The following SNX10 variants were observed in gnomAD, a reference collection of about 807,000 sequenced individuals.
SNX10 encodes sorting nexin-10.
Under a neutral mutation model 28.5 loss-of-function variants are expected in SNX10, and 25 were observed. The ratio of observed to expected loss-of-function variants is 0.88; its 90% CI spans 0.64 to 1.22. The LOEUF (loss-of-function observed/expected upper bound fraction) is 1.22. Among genes scored for constraint, SNX10 ranks in the 50% most tolerant of loss-of-function variants. SNX10 has a pLI of 0.00. For synonymous variants in SNX10, 62 were observed against 81.4 expected (o/e 0.76, Z 1.28); for missense variants, 223 against 242.6 (o/e 0.92, Z 0.54).
At chr7:26,318,699 A>G (rs1360034877) in intron 1 of SNX10, among the ~76,000 whole-genome samples, 1 of 152,176 alleles carries the variant, frequency 6.6e-6, no homozygotes, top group Admixed American at 6.5e-5. Context: ...TTCGAACTTG[A>G]GACTCAAGTG....
chr7:26,357,121 C>G, intron 2 of SNX10: 1 of 908,818 alleles, frequency 1.1e-6, no homozygotes, highest in Non-Finnish European at 1.5e-6. Flanking sequence ...CTAGAGGAGG[C>G]CTACAGGTAA....
At chr7:26,296,850 A>T (rs1786129703) in intron 1 of SNX10, among the ~76,000 whole-genome samples, 1 of 152,304 alleles carries the variant, frequency 6.6e-6, no homozygotes, top group East Asian at 1.9e-4. Flanking sequence ...TCTAAAAAAA[A>T]TTTTAGAAAG....
intron 1 of SNX10, among the ~76,000 whole-genome samples, chr7:26,337,196 T>A (rs1787975654): frequency 6.6e-6 from 1 of 152,088 alleles, no homozygotes; most frequent in Non-Finnish European, 1.5e-5. Flanking sequence ...GATGAAACAT[T>A]TAAGTAGATT....
intron 1 of SNX10, among the ~76,000 whole-genome samples, chr7:26,319,225 G>A (rs1433546471): frequency 6.6e-6 from 1 of 152,202 alleles, no homozygotes; most frequent in East Asian, 1.9e-4. Flanking sequence ...TATTGTAGCA[G>A]TATCTTTCTA....
intron 1 of SNX10, among the ~76,000 whole-genome samples, chr7:26,309,414 C>T (rs185062003): frequency 2.9e-4 from 44 of 151,992 alleles, no homozygotes; most frequent in Admixed American, 1.2e-3. Flanking sequence ...CTGGAACGCT[C>T]ACCCAGTCGG....
At chr7:26,303,722 C>G (rs1175931224) in intron 1 of SNX10, among the ~76,000 whole-genome samples, 10 of 152,146 alleles carry the variant, frequency 6.6e-5, no homozygotes, top group Non-Finnish European at 2.9e-5. Flanking sequence ...ATCTGCAAAA[C>G]TTGTTAAGGC....
chr7:26,354,453 C>T (rs1265073619), intron 2 of SNX10, among the ~76,000 whole-genome samples: 3 of 152,234 alleles, frequency 2.0e-5, no homozygotes, highest in Non-Finnish European at 4.4e-5. Flanking sequence ...CAGGCTCAAG[C>T]AATCCTCCCA....
intron 1 of SNX10, among the ~76,000 whole-genome samples, chr7:26,317,074 G>C (rs974262498): frequency 6.6e-6 from 1 of 152,190 alleles, no homozygotes; most frequent in African/African-American, 2.4e-5. Context: ...CATGCCATTT[G>C]TAATTTACGG....
chr7:26,293,588 C>T (rs1402944862), intron 1 of SNX10, among the ~76,000 whole-genome samples: 1 of 152,170 alleles, frequency 6.6e-6, no homozygotes, highest in African/African-American at 2.4e-5. Flanking sequence ...AAATAAAATA[C>T]ATTTAGAAGA....
intron 1 of SNX10, among the ~76,000 whole-genome samples, chr7:26,329,313 G>A (rs1171904797): frequency 6.6e-6 from 1 of 152,178 alleles, no homozygotes; most frequent in East Asian, 1.9e-4. Flanking sequence ...TCTTCCCGCA[G>A]TGTTCCTTCC....
intron 1 of SNX10, among the ~76,000 whole-genome samples, chr7:26,321,779 T>C (rs538367693): frequency 1.3e-5 from 2 of 152,166 alleles, no homozygotes; most frequent in South Asian, 4.2e-4. Context: ...TTACCAGTTT[T>C]TTTTTTTCCT....
At chr7:26,356,460 G>T (rs1468352385) in intron 2 of SNX10, among the ~76,000 whole-genome samples, 1 of 152,130 alleles carries the variant, frequency 6.6e-6, no homozygotes, top group Non-Finnish European at 1.5e-5. Context: ...GAAGGATGGC[G>T]GGCAGTGTCG....
At chr7:26,299,443 C>G (rs1199842825) in intron 1 of SNX10, among the ~76,000 whole-genome samples, 1 of 151,850 alleles carries the variant, frequency 6.6e-6, no homozygotes, top group African/African-American at 2.4e-5. Flanking sequence ...CTCAGCCTCC[C>G]AAAGTGCTGG....
chr7:26,327,457 G>T (rs1787547980), intron 1 of SNX10, among the ~76,000 whole-genome samples: 1 of 152,156 alleles, frequency 6.6e-6, no homozygotes, highest in Non-Finnish European at 1.5e-5. Context: ...TGTCATTTGT[G>T]ATACTGTGTG....
At chr7:26,299,958 C>CCCAG (rs1294348782) in intron 1 of SNX10, among the ~76,000 whole-genome samples, 8 of 151,992 alleles carry the variant, frequency 5.3e-5, no homozygotes, top group African/African-American at 1.4e-4. Flanking sequence ...CGCCTGTAAT[C>CCCAG]CCAGCACTTT....
At chr7:26,293,340 A>G (rs1186380900) in intron 1 of SNX10, among the ~76,000 whole-genome samples, 2 of 152,050 alleles carry the variant, frequency 1.3e-5, no homozygotes, top group East Asian at 1.9e-4. Flanking sequence ...AGCTGAGACC[A>G]CAGGTGCGGG....
At position 26,372,956 on chromosome 7, in the gene SNX10, AC is replaced by A; in HGVS notation, c.*386del. ...CTTCTTGTATCAGTGGGGCAGTGTT[AC>A]CATAAACACGGTGTATATGTTGTTA... On this transcript the variant is annotated 3_prime_UTR_variant, in exon 7 of 7. Transcript: ENST00000338523. 5.2e-6 allele frequency: 1 copy of A among 192,452 alleles called. No individual in the cohort carries two copies. The highest frequency in any genetic ancestry group is 1.4e-4 in the East Asian group (1 of 7,162). The allele number at this position is 192,452 out of a possible 1,614,324, so 11.9% of individuals were successfully genotyped here.
At chr7:26,316,321 C>T (rs922366698) in intron 1 of SNX10, among the ~76,000 whole-genome samples, 1 of 152,094 alleles carries the variant, frequency 6.6e-6, no homozygotes, top group African/African-American at 2.4e-5. Context: ...CTGACAGCAA[C>T]CCAGGATTTT....
chr7:26,349,963 G>A (rs1788533906), intron 2 of SNX10, among the ~76,000 whole-genome samples: 1 of 152,176 alleles, frequency 6.6e-6, no homozygotes, highest in Non-Finnish European at 1.5e-5. Context: ...TCCTCCATAA[G>A]GGCACTGGGC....
Sources: gnomAD v4.1 joint callset for allele counts (sites outside exome capture counted in the v4.1 genomes callset) on GRCh38, gnomAD v4.1.1 for gene constraint, MANE v1.5 for transcripts, NCBI Gene and HGNC (gene_info 2026-07-23, HGNC 2026-07-21) for gene names.